Variants in NAALADL2 observed in about 807,000 individuals in gnomAD.
The protein encoded by NAALADL2 is N-acetylated alpha-linked acidic dipeptidase like 2.
Under a neutral mutation model 87.2 loss-of-function variants are expected in NAALADL2, and 76 were observed. That is an observed-to-expected ratio of 0.87 (90% CI 0.72 to 1.05). NAALADL2 has a LOEUF of 1.05. Ranked by LOEUF, NAALADL2 falls within the 50% of genes least tolerant of loss-of-function variation. The pLI, the probability that NAALADL2 is intolerant of heterozygous loss-of-function variation, is 0.00. For missense variants in NAALADL2, 1,089 were observed against 945.8 expected, an observed-to-expected ratio of 1.15 and a Z score of -1.99; for synonymous variants, 354 against 331.0, an observed-to-expected ratio of 1.07 and a Z score of -0.75.
chr3:174,767,564 C>T (rs544676), intron 3 of NAALADL2, among the ~76,000 whole-genome samples: 79,955 of 151,784 alleles, frequency 0.53, 21,430 homozygotes, highest in Middle Eastern at 0.64. Context: ...GATGTTATGA[C>T]GCTCACAGGA....
intron 2 of NAALADL2, among the ~76,000 whole-genome samples, chr3:174,704,731 A>G (rs1398035442): frequency 6.6e-6 from 1 of 152,146 alleles, no homozygotes; most frequent in Non-Finnish European, 1.5e-5. Context: ...AAATATTATC[A>G]ATTCATACCC....
chr3:175,000,634 AT>A (rs1164817302), intron 1 of NAALADL2, among the ~76,000 whole-genome samples: 3 of 151,814 alleles, frequency 2.0e-5, no homozygotes, highest in African/African-American at 4.8e-5. Context: ...TCTTCTCGTT[AT>A]TTTTTCTTTC....
At chr3:175,657,685 G>A (rs372855043) in intron 11 of NAALADL2, among the ~76,000 whole-genome samples, 8 of 151,208 alleles carry the variant, frequency 5.3e-5, no homozygotes, top group Admixed American at 2.0e-4. Context: ...GGTTCACGCC[G>A]TTCTCCTGCC....
chr3:175,006,187 A>G (rs752762724), intron 1 of NAALADL2, among the ~76,000 whole-genome samples: 1 of 152,138 alleles, frequency 6.6e-6, no homozygotes, highest in African/African-American at 2.4e-5. Flanking sequence ...CCCCATTTCT[A>G]TGAAGCTTTC....
intron 1 of NAALADL2, among the ~76,000 whole-genome samples, chr3:174,489,468 CAA>C (rs1266196182): frequency 6.6e-6 from 1 of 151,826 alleles, no homozygotes. Flanking sequence ...GCACAAACAA[CAA>C]AAGAGAGAAT....
At chr3:175,638,454 ATT>A (rs1728843589) in intron 11 of NAALADL2, among the ~76,000 whole-genome samples, 1 of 152,138 alleles carries the variant, frequency 6.6e-6, no homozygotes, top group African/African-American at 2.4e-5. Context: ...ACTTTTGGGA[ATT>A]TTCCTGATGT....
chr3:175,259,226 G>A (rs531307269), intron 4 of NAALADL2, among the ~76,000 whole-genome samples: 1 of 152,188 alleles, frequency 6.6e-6, no homozygotes, highest in African/African-American at 2.4e-5. Context: ...ACAACAGATA[G>A]GTAAGAGTAT....
intron 1 of NAALADL2, chr3:175,059,309 T>A (rs1405736087): frequency 2.8e-5 from 4 of 144,988 alleles, no homozygotes; most frequent in Non-Finnish European, 4.4e-5. Flanking sequence ...TGTTTATTTA[T>A]TTTTTTTTCA....
chr3:174,891,271 C>A (rs1455112399), intron 1 of NAALADL2, among the ~76,000 whole-genome samples: 1 of 151,930 alleles, frequency 6.6e-6, no homozygotes, highest in African/African-American at 2.4e-5. Flanking sequence ...AAAGCTCCAC[C>A]AATCATCATC....
intron 1 of NAALADL2, among the ~76,000 whole-genome samples, chr3:174,541,734 A>G (rs998914047): frequency 3.3e-5 from 5 of 152,232 alleles, no homozygotes; most frequent in Non-Finnish European, 7.3e-5. Flanking sequence ...TAAAAAATAA[A>G]ATAGGCAATG....
intron 3 of NAALADL2, among the ~76,000 whole-genome samples, chr3:174,744,652 C>G (rs1734078531): frequency 6.6e-6 from 1 of 152,102 alleles, no homozygotes; most frequent in Non-Finnish European, 1.5e-5. Context: ...ATACATTCTT[C>G]TCAGTGCCAC....
intron 9 of NAALADL2, among the ~76,000 whole-genome samples, chr3:175,569,168 C>T (rs565686954): frequency 1.3e-5 from 2 of 152,242 alleles, no homozygotes; most frequent in Admixed American, 6.5e-5. Flanking sequence ...CTCAGTTTCA[C>T]GTGTAATGAT....
intron 3 of NAALADL2, among the ~76,000 whole-genome samples, chr3:174,790,130 G>T (rs541574675): frequency 3.7e-4 from 56 of 152,300 alleles, no homozygotes; most frequent in African/African-American, 1.3e-3. Flanking sequence ...GATGAAGTGG[G>T]GTTTCTTGGC....
chr3:175,402,444 A>G (rs1770679428), intron 5 of NAALADL2, among the ~76,000 whole-genome samples: 2 of 152,082 alleles, frequency 1.3e-5, no homozygotes, highest in African/African-American at 2.4e-5. Context: ...CAAATGATTC[A>G]GTTCTTTCAA....
At chr3:174,645,215 CATAA>C (rs1723657253) in intron 2 of NAALADL2, among the ~76,000 whole-genome samples, 1 of 152,150 alleles carries the variant, frequency 6.6e-6, no homozygotes, top group East Asian at 1.9e-4. Context: ...TTGAGGAAAG[CATAA>C]ATAGAGAGTG....
intron 9 of NAALADL2, among the ~76,000 whole-genome samples, chr3:175,479,159 T>C (rs867676812): frequency 1.3e-5 from 2 of 151,898 alleles, no homozygotes; most frequent in South Asian, 2.1e-4. Context: ...TCTTGGTTTT[T>C]GCCATTTCTC....
chr3:175,270,690 G>T (rs189001994), intron 4 of NAALADL2, among the ~76,000 whole-genome samples: 12 of 152,248 alleles, frequency 7.9e-5, no homozygotes, highest in Admixed American at 2.6e-4. Flanking sequence ...TCGTCTTAGG[G>T]TGCGTGCTTG....
chr3:175,109,717 G>T (rs1258682312), intron 2 of NAALADL2, among the ~76,000 whole-genome samples: 3 of 151,734 alleles, frequency 2.0e-5, no homozygotes, highest in Non-Finnish European at 4.4e-5. Flanking sequence ...GCATTACCCA[G>T]CAACTAACTG....
intron 2 of NAALADL2, among the ~76,000 whole-genome samples, chr3:175,210,670 G>A (rs1407127932): frequency 6.6e-6 from 1 of 151,156 alleles, no homozygotes; most frequent in African/African-American, 2.4e-5. Context: ...AAAGGGAAAA[G>A]GTTTAAAAAC....
Sources: allele counts gnomAD v4.1 joint callset (sites outside exome capture counted in the v4.1 genomes callset), GRCh38; gene constraint gnomAD v4.1.1; transcripts MANE v1.5; gene names NCBI Gene and HGNC (gene_info 2026-07-23, HGNC 2026-07-21).